The following PARN variants were observed in gnomAD, a reference collection of about 807,000 sequenced individuals.
PARN encodes poly(A)-specific ribonuclease PARN.
Under a neutral mutation model 102.8 loss-of-function variants are expected in PARN, and 71 were observed. The observed-to-expected ratio is 0.69, with a 90% CI of 0.57 to 0.84. The LOEUF (loss-of-function observed/expected upper bound fraction) is 0.84. Ranked by LOEUF, PARN falls within the 40% of genes least tolerant of loss-of-function variation. PARN has a pLI of 0.00. For missense variants in PARN, 782 were observed against 760.9 expected, an observed-to-expected ratio of 1.03 and a Z score of -0.33; for synonymous variants, 261 against 252.9, an observed-to-expected ratio of 1.03 and a Z score of -0.30.
intron 21 of PARN, among the ~76,000 whole-genome samples, chr16:14,520,516 G>A (rs1965682140): frequency 6.6e-6 from 1 of 151,926 alleles, no homozygotes; most frequent in Admixed American, 6.6e-5. Context: ...TTGAGCTTAG[G>A]AGTAACATAT....
At chr16:14,466,066 C>T (rs961056792) in intron 22 of PARN, among the ~76,000 whole-genome samples, 4 of 151,870 alleles carry the variant, frequency 2.6e-5, no homozygotes, top group African/African-American at 7.3e-5. Context: ...ACCTGGGTGA[C>T]GAAATAATCT....
At chr16:14,503,455 G>A (rs1964726484) in intron 21 of PARN, among the ~76,000 whole-genome samples, 2 of 152,178 alleles carry the variant, frequency 1.3e-5, no homozygotes, top group African/African-American at 2.4e-5. Context: ...GAAAGATGAG[G>A]GCAGCCTAAG....
chr16:14,618,881 T>C (rs373980109), intron 5 of PARN, among the ~76,000 whole-genome samples: 1 of 152,046 alleles, frequency 6.6e-6, no homozygotes. Flanking sequence ...AAAATCTTAA[T>C]TAAATGTTCT....
intron 21 of PARN, among the ~76,000 whole-genome samples, chr16:14,487,489 G>C (rs1055713461): frequency 6.6e-6 from 1 of 152,124 alleles, no homozygotes; most frequent in Non-Finnish European, 1.5e-5. Flanking sequence ...TTATGAAGAG[G>C]AAGACAACAT....
intron 17 of PARN, 81 bp downstream of exon 17, chr16:14,582,100 A>T: frequency 1.2e-6 from 1 of 865,932 alleles, no homozygotes; most frequent in Non-Finnish European, 2.0e-6. Context: ...ACAGTAATTT[A>T]TTACAGCAGC....
intron 22 of PARN, among the ~76,000 whole-genome samples, chr16:14,471,148 T>C (rs1261063173): frequency 6.6e-6 from 1 of 152,194 alleles, no homozygotes; most frequent in Non-Finnish European, 1.5e-5. Flanking sequence ...TCAAAGTCTG[T>C]AGAGTTGACA....
chr16:14,474,724 C>T (rs1962942188), intron 22 of PARN, among the ~76,000 whole-genome samples: 1 of 152,232 alleles, frequency 6.6e-6, no homozygotes. Flanking sequence ...GAACCCTTGG[C>T]TTCTGGCTGC....
chr16:14,597,285 A>G (rs1970580775), intron 12 of PARN, among the ~76,000 whole-genome samples: 1 of 152,222 alleles, frequency 6.6e-6, no homozygotes, highest in Admixed American at 6.5e-5. Context: ...CATAAACTAT[A>G]AAGTTAAACT....
At chr16:14,461,200 T>C (rs907537381) in intron 22 of PARN, among the ~76,000 whole-genome samples, 2 of 152,070 alleles carry the variant, frequency 1.3e-5, no homozygotes, top group Non-Finnish European at 2.9e-5. Context: ...AGAGAAACCA[T>C]CGTGGTCTAA....
chr16:14,504,629 C>T (rs1964796838), intron 21 of PARN, among the ~76,000 whole-genome samples: 1 of 152,056 alleles, frequency 6.6e-6, no homozygotes, highest in South Asian at 2.1e-4. Context: ...AAAAAATACG[C>T]TTTCAAAGCA....
At chr16:14,542,049 G>C (rs1173835332) in intron 21 of PARN, among the ~76,000 whole-genome samples, 1 of 152,092 alleles carries the variant, frequency 6.6e-6, no homozygotes, top group Admixed American at 6.5e-5. Flanking sequence ...CTGTCACCCA[G>C]GCTGGAGTGC....
chr16:14,476,000 A>G (rs1390905667), intron 22 of PARN, among the ~76,000 whole-genome samples: 2 of 152,236 alleles, frequency 1.3e-5, no homozygotes. Flanking sequence ...ATATACTGTT[A>G]AGAGTCTCAC....
At chr16:14,541,922 G>A (rs1442160385) in intron 21 of PARN, among the ~76,000 whole-genome samples, 1 of 152,146 alleles carries the variant, frequency 6.6e-6, no homozygotes, top group Non-Finnish European at 1.5e-5. Context: ...CAAAGAACCA[G>A]GAAAACATGA....
chr16:14,475,008 C>T (rs1005946673), intron 22 of PARN, among the ~76,000 whole-genome samples: 6 of 152,336 alleles, frequency 3.9e-5, no homozygotes, highest in South Asian at 2.1e-4. Flanking sequence ...CCAAAAACCA[C>T]AGCTTTGATA....
chr16:14,628,335 TGTC>T, intron 2 of PARN, 84 bp from the exon 3 acceptor site: 1 of 750,666 alleles, frequency 1.3e-6, no homozygotes, highest in Non-Finnish European at 2.3e-6. Context: ...GCCTCTATAA[TGTC>T]GTATCACGAA....
chr16:14,470,182 C>T (rs1403375360), intron 22 of PARN, among the ~76,000 whole-genome samples: 1 of 151,994 alleles, frequency 6.6e-6, no homozygotes, highest in African/African-American at 2.4e-5. Context: ...TTAAACTTAG[C>T]TTCATGTTAT....
intron 18 of PARN, among the ~76,000 whole-genome samples, chr16:14,562,207 T>C (rs72787685): frequency 0.18 from 27,171 of 152,060 alleles, 3,142 homozygotes; most frequent in Middle Eastern, 0.3. Context: ...CCAAGCATAG[T>C]GGCTCATGCC....
At chr16:14,577,014 T>C (rs1176897295) in intron 18 of PARN, among the ~76,000 whole-genome samples, 2 of 152,260 alleles carry the variant, frequency 1.3e-5, no homozygotes, top group Non-Finnish European at 2.9e-5. Context: ...TAATTTAGAA[T>C]AATGCAGACG....
intron 22 of PARN, among the ~76,000 whole-genome samples, chr16:14,462,763 C>T (rs1267037559): frequency 6.6e-6 from 1 of 152,206 alleles, no homozygotes; most frequent in Non-Finnish European, 1.5e-5. Flanking sequence ...ACAAAAGACA[C>T]TGGAGCAACT....
Sources: gnomAD v4.1 joint callset for allele counts (sites outside exome capture counted in the v4.1 genomes callset) on GRCh38, gnomAD v4.1.1 for gene constraint, MANE v1.5 for transcripts, NCBI Gene and HGNC (gene_info 2026-07-23, HGNC 2026-07-21) for gene names.